Variants in OAF observed in about 807,000 individuals in gnomAD.
The protein encoded by OAF is out at first homolog, also known as out at first protein homolog.
In OAF, 13 loss-of-function variants were observed where a neutral mutation model predicts 22.5. The observed-to-expected ratio is 0.58, with a 90% confidence interval of 0.38 to 0.92. OAF has a LOEUF of 0.92. OAF is among the 40% of genes least tolerant of loss of function. The pLI is 0.00. For synonymous variants in OAF, 175 were observed against 170.5 expected, an observed-to-expected ratio of 1.03 and a Z score of -0.21; for missense variants, 347 against 381.8, an observed-to-expected ratio of 0.91 and a Z score of 0.76.
At chr11:120,216,164 A>G (rs1041156817) in intron 1 of OAF, among the ~76,000 whole-genome samples, 1 of 152,122 alleles carries the variant, frequency 6.6e-6, no homozygotes, top group Non-Finnish European at 1.5e-5. Context: ...AAAGAATGCT[A>G]GGGCCCCTGT....
chr11:120,227,001 G>C lies in OAF; in HGVS notation c.547+5G>C, dbSNP rs372575959. 2.5e-6 allele frequency: 4 copies of C among 1,587,712 alleles called. No individual in the cohort carries two copies. In the African/African-American group the frequency reaches 4.0e-5, roughly 16 times the overall value. The stretch of plus-strand genomic sequence containing the variant: ...TCCGGTTCTGGCTGGAGCAAGGTCA[G>C]CTGGGAGCTGGGCACTGCCCGCTGC... On this transcript the variant is annotated splice_donor_5th_base_variant and intron_variant, in intron 3 of 3. Transcript: ENST00000328965.
chr11:120,225,528 G>T, intron 1 of OAF, 133 bp from the exon 2 acceptor site: 1 of 678,378 alleles, frequency 1.5e-6, no homozygotes, highest in Non-Finnish European at 2.4e-6. Flanking sequence ...AAAATTCCTA[G>T]ACCAGCAGGA....
intron 1 of OAF, 123 bp downstream of exon 1, chr11:120,211,633 C>T (rs758825466): frequency 4.4e-4 from 255 of 574,472 alleles, no homozygotes; most frequent in Non-Finnish European, 6.0e-4. Context: ...CCCAAGGTCA[C>T]GCCGGGCTCT....
chr11:120,220,550 G>C (rs1466060769), intron 1 of OAF, among the ~76,000 whole-genome samples: 1 of 152,210 alleles, frequency 6.6e-6, no homozygotes, highest in Non-Finnish European at 1.5e-5. Flanking sequence ...CAAAAACACA[G>C]TGGGAGTAAA....
intron 1 of OAF, among the ~76,000 whole-genome samples, chr11:120,219,091 G>C (rs183050296): frequency 1.2e-3 from 183 of 151,754 alleles, no homozygotes; most frequent in African/African-American, 4.3e-3. Context: ...CCCTGACGCT[G>C]GGCATGAGAT....
chr11:120,211,653 C>T (rs1156491121), intron 1 of OAF, 143 bp downstream of exon 1: 7 of 480,822 alleles, frequency 1.5e-5, no homozygotes, highest in South Asian at 4.2e-5. Flanking sequence ...TTCTCTACAC[C>T]TCTTTGCCCA....
In OAF at chr11:120,230,260, T is replaced by C. The variant is rs1938420257; in HGVS notation, c.*1118T>C. On this transcript the variant is annotated 3_prime_UTR_variant, in exon 4 of 4. Coordinates refer to ENST00000328965, the MANE Select transcript of OAF (RefSeq NM_178507.4). Reference sequence around the variant, plus strand: ...GATCTGGGCTCGGCTACTTACCTGCTGTGCAGCCATGGGTCAAGTTGCTTG... The same window carrying C: ...GATCTGGGCTCGGCTACTTACCTGCCGTGCAGCCATGGGTCAAGTTGCTTG... The C allele has an allele frequency of 6.6e-6, 1 of 152,240 alleles. No homozygotes were observed. Among genetic ancestry groups the C allele is most frequent in the Admixed American group, 6.5e-5 (1 of 15,284 alleles). The allele number at this position is 152,240 out of a possible 1,614,324, so 9.4% of individuals were successfully genotyped here.
chr11:120,215,522 A>G (rs1387059599), intron 1 of OAF, among the ~76,000 whole-genome samples: 1 of 152,238 alleles, frequency 6.6e-6, no homozygotes. Context: ...TGAGCAGCAC[A>G]TATACTTCGG....
intron 1 of OAF, among the ~76,000 whole-genome samples, chr11:120,225,203 G>A (rs1246270880): frequency 6.6e-6 from 1 of 152,038 alleles, no homozygotes; most frequent in African/African-American, 2.4e-5. Flanking sequence ...AAGCACCAAG[G>A]GCATCTTGAG....
intron 1 of OAF, chr11:120,213,926 G>A (rs537108550): frequency 1.8e-4 from 27 of 152,238 alleles, no homozygotes; most frequent in Admixed American, 1.1e-3. Flanking sequence ...AAAAATTAGC[G>A]GAGCACGCTG....
chr11:120,223,173 C>G (rs934304082), intron 1 of OAF, among the ~76,000 whole-genome samples: 1 of 152,234 alleles, frequency 6.6e-6, no homozygotes, highest in African/African-American at 2.4e-5. Context: ...CGCACAACCT[C>G]TGTGTGCCCG....
At chr11:120,226,767 CAG>C in intron 2 of OAF, 47 bp from the exon 3 acceptor site, 1 of 1,515,600 alleles carries the variant, frequency 6.6e-7, no homozygotes, top group South Asian at 1.3e-5. Flanking sequence ...GGAAGATGGA[CAG>C]GGAGCATTCT....
Position 120,228,887 on chromosome 11 carries a change from C to T in OAF, c.567C>T (p.Phe189=), listed in dbSNP as rs1435055718. 2.1e-5 allele frequency: 28 copies of T among 1,332,288 alleles called. No homozygotes were observed. The Admixed American group carries it at 4.3e-4, about 20-fold the overall frequency. The allele number at this position is 1,332,288 out of a possible 1,614,324, so 82.5% of individuals were successfully genotyped here. ...CCCCAGGTGTGGACAGTTCTGTGTTCGAGGCTCTGCCCAAGGCCTCAGAGC... is the reference window on the plus strand; with the variant it reads ...CCCCAGGTGTGGACAGTTCTGTGTTTGAGGCTCTGCCCAAGGCCTCAGAGC... ...WLEQGVDSSV[F]EALPKASEQA... is the part of the protein sequence containing the mutation. Residue 189 remains phenylalanine (F), a synonymous_variant, in exon 4 of 4, where the codon TTC becomes TTT. Coordinates refer to ENST00000328965, the MANE Select transcript of OAF (RefSeq NM_178507.4).
Position 120,225,784 on chromosome 11 carries a change from A to G in OAF, c.355A>G (p.Lys119Glu), listed in dbSNP as rs1335346508. 1 of 1,599,910 alleles carries G rather than the reference A, an allele frequency of 6.3e-7. No individual in the cohort carries two copies. Residue 119 changes from lysine (K) to glutamate (E), a missense_variant, in exon 2 of 4, where the codon AAG becomes GAG. Transcript: ENST00000328965. ...NEIIPSEAMAKLRQKNPRAVR... is the reference protein window; with the variant it reads ...NEIIPSEAMAELRQKNPRAVR... ...GATCATCCCCAGTGAGGCCATGGCC[A>G]AGCTCCGGCAGGTAAGTGCCCCACC...
chr11:120,220,800 A>G (rs1938271750), intron 1 of OAF, among the ~76,000 whole-genome samples: 1 of 152,206 alleles, frequency 6.6e-6, no homozygotes, highest in Admixed American at 6.5e-5. Context: ...GGTTCAGTGC[A>G]TGGGAAGTGC....
intron 1 of OAF, among the ~76,000 whole-genome samples, chr11:120,212,074 C>T (rs1158649500): frequency 6.6e-6 from 1 of 152,198 alleles, no homozygotes. Context: ...GCCCTGTCTC[C>T]TCTTTGGTCT....
At chr11:120,225,260 A>C (rs1023930519) in intron 1 of OAF, among the ~76,000 whole-genome samples, 1 of 151,738 alleles carries the variant, frequency 6.6e-6, no homozygotes, top group African/African-American at 2.4e-5. Context: ...ATTTCTAGCC[A>C]TTACAACTAC....
chr11:120,228,825 T>TTCCCAAC, intron 3 of OAF, 43 bp from the exon 4 acceptor site: 2 of 434,172 alleles, frequency 4.6e-6, no homozygotes, highest in Non-Finnish European at 9.3e-6. Context: ...GCTCCTTCCC[T>TTCCCAAC]CCCTCCCTCC....
Position 120,229,754 on chromosome 11 carries a change from G to A in OAF, c.*612G>A, listed in dbSNP as rs1938413462. Reference sequence around the variant, plus strand: ...CTGAGACAGATCACAGACCACGAGTGCCTTTCCCGGACCTGGACGTTGCCT... The same window carrying A: ...CTGAGACAGATCACAGACCACGAGTACCTTTCCCGGACCTGGACGTTGCCT... On this transcript the variant is annotated 3_prime_UTR_variant, in exon 4 of 4. Coordinates refer to ENST00000328965, the MANE Select transcript of OAF (RefSeq NM_178507.4). 6.5e-6 allele frequency: 1 copy of A among 152,816 alleles called. No homozygotes were observed. The highest frequency in any genetic ancestry group is 1.5e-5 in the Non-Finnish European group (1 of 68,206). The allele number at this position is 152,816 out of a possible 1,614,324, so 9.5% of individuals were successfully genotyped here. A position where few individuals can be genotyped will look rare whatever the true frequency, so the allele number is the denominator to read the frequency against.
Sources: gnomAD v4.1 joint callset for allele counts (sites outside exome capture counted in the v4.1 genomes callset) on GRCh38, gnomAD v4.1.1 for gene constraint, MANE v1.5 for transcripts, NCBI Gene and HGNC (gene_info 2026-07-23, HGNC 2026-07-21) for gene names.